Variants in TSEN54 observed in about 807,000 individuals in gnomAD.
The protein encoded by TSEN54 is tRNA splicing endonuclease subunit 54.
A neutral mutation model predicts 61.9 loss-of-function variants in TSEN54; 55 were observed. That is an observed-to-expected ratio of 0.89 (90% CI 0.72 to 1.11). The LOEUF is 1.11. Ranked by LOEUF, TSEN54 falls within the 50% of genes most tolerant of loss-of-function variation. TSEN54 has a pLI of 0.00. For synonymous variants in TSEN54, 304 were observed against 288.7 expected (o/e 1.05, Z -0.54); for missense variants, 760 against 687.7 (o/e 1.11, Z -1.18).
chr17:75,524,125 G>T (rs2053470745), intron 10 of TSEN54, 137 bp from the exon 11 acceptor site: 1 of 1,279,768 alleles, frequency 7.8e-7, no homozygotes, highest in Non-Finnish European at 1.1e-6. Flanking sequence ...CTTCATCAGA[G>T]CCCTGTGTTT....
intron 10 of TSEN54, 26 bp downstream of exon 10, chr17:75,523,805 T>C (rs1442233834): frequency 1.2e-6 from 2 of 1,608,688 alleles, no homozygotes; most frequent in African/African-American, 1.3e-5. Context: ...GCACTGCCCC[T>C]CCCCCAGCTG....
At chr17:75,520,573 G>A (rs932301028) in intron 6 of TSEN54, among the ~76,000 whole-genome samples, 6 of 105,604 alleles carry the variant, frequency 5.7e-5, no homozygotes, top group Non-Finnish European at 1.0e-4. Flanking sequence ...GCGAAAAAGC[G>A]AAACTCTATC....
rs965008537 is a variant in TSEN54 at position 75,518,699 on chromosome 17, T to C, written c.469-296T>C. Reference sequence around the variant, plus strand: ...CACTCCTATGAGCTTTGTATCAAAATACTCAAGTATTTCAGGGCGTGGTGG... The same window carrying C: ...CACTCCTATGAGCTTTGTATCAAAACACTCAAGTATTTCAGGGCGTGGTGG... On this transcript the variant is annotated intron_variant, in intron 5 of 10. Transcript: ENST00000333213. 8.1e-6 allele frequency: 8 copies of C among 985,332 alleles called. No individual in the cohort carries two copies. The African/African-American group carries it at 1.2e-4, about 15-fold the overall frequency. The allele number at this position is 985,332 out of a possible 1,614,324, so 61.0% of individuals were successfully genotyped here.
At chr17:75,519,376 A>G (rs980633523) in intron 6 of TSEN54, among the ~76,000 whole-genome samples, 1 of 152,232 alleles carries the variant, frequency 6.6e-6, no homozygotes, top group African/African-American at 2.4e-5. Context: ...GTGTATGCTT[A>G]AATGAAGGAC....
At chr17:75,520,906 A>T (rs2053420488) in intron 6 of TSEN54, among the ~76,000 whole-genome samples, 1 of 151,726 alleles carries the variant, frequency 6.6e-6, no homozygotes, top group Non-Finnish European at 1.5e-5. Context: ...CAGTGAGCCA[A>T]GATTGTGCCA....
rs781098832 is a variant in TSEN54, at chr17:75,521,356, T to A, written c.522-53T>A. 1.3e-5 allele frequency: 19 copies of A among 1,468,648 alleles called. No homozygotes were observed. In the South Asian group the frequency reaches 1.9e-4, roughly 15 times the overall value. 91.0% of individuals were successfully genotyped at this position (1,468,648 alleles called of 1,614,324 possible). A position where few individuals can be genotyped will look rare whatever the true frequency, so the allele number is the denominator to read the frequency against. ...CCGTTTCCTTACACATCCCACCAGA[T>A]CCCCAGGCTGAGGAGGTGGGTCAGT... On this transcript the variant is annotated intron_variant, in intron 6 of 10. Coordinates refer to ENST00000333213, the MANE Select transcript of TSEN54 (RefSeq NM_207346.3).
rs543439426 is a variant in TSEN54 at position 75,522,185 on chromosome 17, C to G, written c.1104C>G (p.Ala368=). ...EAAQFQEDVN[A]DPEVQRCSSW... ...CGCAGTTCCAGGAAGATGTCAACGC[C>G]GATCCCGAGGTGCAGCGGTGCTCCA... The change falls in exon 8 of 11, where the codon GCC becomes GCG. Residue 368 remains alanine (A), a synonymous_variant. Transcript: ENST00000333213. 1.9e-6 allele frequency: 3 copies of G among 1,549,134 alleles called. No homozygotes were observed. Among genetic ancestry groups the G allele is most frequent in the East Asian group, 4.9e-5 (2 of 41,036 alleles).
chr17:75,524,203 G>C (rs2053472759), intron 10 of TSEN54, 59 bp from the exon 11 acceptor site: 1 of 1,610,272 alleles, frequency 6.2e-7, no homozygotes, highest in Non-Finnish European at 8.5e-7. Context: ...TTCTCTGGGA[G>C]CCCTAGAGCT....
intron 4 of TSEN54, 39 bp from the exon 5 acceptor site, chr17:75,517,518 G>A: frequency 6.4e-7 from 1 of 1,566,158 alleles, no homozygotes; most frequent in Non-Finnish European, 8.8e-7. Context: ...TGGCACTGTA[G>A]TGAGGGCTCA....
rs752276419 is a variant in TSEN54, at chr17:75,517,034, A to C, written c.247A>C (p.Arg83=). The C allele has an allele frequency of 1.9e-6, 3 of 1,594,214 alleles. No homozygotes were observed. The highest frequency in any genetic ancestry group is 1.1e-5 in the South Asian group (1 of 88,154). The change falls in exon 3 of 11, where the codon AGG becomes CGG. Residue 83 remains arginine, a synonymous_variant. Transcript: ENST00000333213. The stretch of plus-strand genomic sequence containing the variant: ...GGGCAGCTTGGTGGCTGCCGAGTGG[A>C]GGCCAGAAGAGGGCTTCGTGGAGTT... ...RLGSLVAAEW[R]PEEGFVELKS...
chr17:75,516,938 G>C (rs2053375321), intron 2 of TSEN54, 28 bp downstream of exon 2: 2 of 1,544,312 alleles, frequency 1.3e-6, no homozygotes, highest in Admixed American at 3.9e-5. Context: ...AGGGGTAAGG[G>C]AAGCGGGGGC....
chr17:75,519,458 C>T (rs992806851), intron 6 of TSEN54, among the ~76,000 whole-genome samples: 1 of 152,240 alleles, frequency 6.6e-6, no homozygotes, highest in African/African-American at 2.4e-5. Context: ...CCTTCATCAC[C>T]TTAGTAATCC....
In TSEN54 at chr17:75,517,197, G is replaced by A; in HGVS notation, c.322G>A (p.Gly108Ser). 1 of 1,606,610 alleles carries A rather than the reference G, an allele frequency of 6.2e-7. No individual in the cohort carries two copies. Among genetic ancestry groups the A allele is most frequent in the Non-Finnish European group, 8.5e-7 (1 of 1,176,780 alleles). ...GCAGACCATGGGCTTCTCAGAGCAG[G>A]GCCGGCAGCGCCTTCACCCGGAAGA... ...FWQTMGFSEQ[G>S]RQRLHPEEAL... Residue 108 changes from glycine (G) to serine (S), a missense_variant, in exon 4 of 11, where the codon GGC becomes AGC. Coordinates refer to ENST00000333213, the MANE Select transcript of TSEN54 (RefSeq NM_207346.3).
At chr17:75,519,656 G>C (rs144009519) in intron 6 of TSEN54, among the ~76,000 whole-genome samples, 14,261 of 152,272 alleles carry the variant, frequency 0.094, 719 homozygotes, top group African/African-American at 0.11. Flanking sequence ...TCTGCCTCCT[G>C]GGTTCAAGCA....
chr17:75,517,377 C>T (rs983276829), intron 4 of TSEN54, 133 bp downstream of exon 4: 8 of 1,231,520 alleles, frequency 6.5e-6, no homozygotes, highest in Non-Finnish European at 8.2e-6. Flanking sequence ...GGAGGTGGTA[C>T]GTTGCAGGGA....
rs1484873977 is a variant in TSEN54 at position 75,521,451 on chromosome 17, C to T, written c.564C>T (p.Ala188=). ...ATGAGAGGCAGCTTAACCTGGATGC[C>T]AGCGTGCAGCACTTGGAGGATGGAG... The part of the protein sequence containing the change: ...SPYERQLNLD[A]SVQHLEDGDG... Residue 188 remains alanine (A), a synonymous_variant, in exon 7 of 11, where the codon GCC becomes GCT. Coordinates refer to ENST00000333213, the MANE Select transcript of TSEN54 (RefSeq NM_207346.3). 6.2e-7 allele frequency: 1 copy of T among 1,614,134 alleles called. No individual in the cohort carries two copies. Among genetic ancestry groups the T allele is most frequent in the Non-Finnish European group, 8.5e-7 (1 of 1,180,034 alleles).
intron 6 of TSEN54, among the ~76,000 whole-genome samples, chr17:75,519,877 A>G (rs1339216044): frequency 1.3e-5 from 2 of 152,208 alleles, no homozygotes; most frequent in Non-Finnish European, 2.9e-5. Flanking sequence ...CCAGCTCTAC[A>G]TCTTTTCTTT....
Position 75,524,617 on chromosome 17 carries a change from C to A in TSEN54, c.*205C>A. The A allele has an allele frequency of 1.4e-6, 1 of 705,286 alleles. No homozygotes were observed. The highest frequency in any genetic ancestry group is 2.1e-5 in the Admixed American group (1 of 47,176). The allele number at this position is 705,286 out of a possible 1,614,324, so 43.7% of individuals were successfully genotyped here. On this transcript the variant is annotated 3_prime_UTR_variant, in exon 11 of 11. Transcript: ENST00000333213. Reference sequence around the variant, plus strand: ...CTGCCTTGCAGTGACCCCTCTGGAACTCAGGACTCGATTTTAAGGACCCAG... The same window carrying A: ...CTGCCTTGCAGTGACCCCTCTGGAAATCAGGACTCGATTTTAAGGACCCAG...
chr17:75,518,601 A>T lies in TSEN54; in HGVS notation c.469-394A>T, dbSNP rs1459793606. ...TCCCTACCAGAAACTTCCCACCGGCATCTGTGGAGGTGTGGGGCTGGAGAG... is the reference window on the plus strand; with the variant it reads ...TCCCTACCAGAAACTTCCCACCGGCTTCTGTGGAGGTGTGGGGCTGGAGAG... On this transcript the variant is annotated intron_variant, in intron 5 of 10. Transcript: ENST00000333213. 3.0e-6 allele frequency: 3 copies of T among 985,318 alleles called. No homozygotes were observed. In the African/African-American group the frequency reaches 5.2e-5, roughly 17 times the overall value. 61.0% of individuals were successfully genotyped at this position (985,318 alleles called of 1,614,324 possible).
Sources: gnomAD v4.1 joint callset for allele counts (sites outside exome capture counted in the v4.1 genomes callset) on GRCh38, gnomAD v4.1.1 for gene constraint, MANE v1.5 for transcripts, NCBI Gene and HGNC (gene_info 2026-07-23, HGNC 2026-07-21) for gene names.